The following IRAG2 variants were observed in gnomAD, a reference collection of about 807,000 sequenced individuals.
IRAG2 encodes inositol 1,4,5-triphosphate receptor associated 2.
A neutral mutation model predicts 69.9 loss-of-function variants in IRAG2; 45 were observed. That is an observed-to-expected ratio of 0.64 (90% CI 0.51 to 0.83). The LOEUF (loss-of-function observed/expected upper bound fraction) is 0.83, where lower values mean the gene tolerates loss of function less well. Ranked by LOEUF, IRAG2 falls within the 40% of genes least tolerant of loss-of-function variation. The pLI is 0.00. For missense variants in IRAG2, 520 were observed against 587.0 expected (o/e 0.89, Z 1.18); for synonymous variants, 193 against 202.4 (o/e 0.95, Z 0.40).
chr12:25,052,160 G>A (rs572400166), upstream of IRAG2: 1 of 395,218 alleles, frequency 2.5e-6, no homozygotes, highest in East Asian at 3.6e-5. Context: ...TAATTTCACA[G>A]GGTGACTCTT....
chr12:25,068,740 A>G (rs1357427337), intron 5 of IRAG2, among the ~76,000 whole-genome samples: 1 of 152,170 alleles, frequency 6.6e-6, no homozygotes, highest in Admixed American at 6.5e-5. Context: ...GGTCTTAGAC[A>G]CTCCGTATCA....
intron 16 of IRAG2, among the ~76,000 whole-genome samples, chr12:25,044,157 TAATAG>T (rs367848905): frequency 9.2e-5 from 14 of 151,554 alleles, no homozygotes; most frequent in Non-Finnish European, 1.6e-4. Flanking sequence ...AAGGAGAGAG[TAATAG>T]AATAGAGTTT....
At chr12:25,065,026 G>A (rs185740676) in intron 4 of IRAG2, among the ~76,000 whole-genome samples, 3 of 151,766 alleles carry the variant, frequency 2.0e-5, no homozygotes, top group Admixed American at 6.6e-5. Context: ...GGAATTGGAG[G>A]TTGCAGTGAG....
chr12:25,033,921 G>A (rs1473532649), exon 13 of IRAG2: 8 of 398,736 alleles, frequency 2.0e-5, no homozygotes, highest in African/African-American at 8.2e-5. Context: ...TTTACATTAC[G>A]AACTCACTCT....
intron 1 of IRAG2, chr12:25,004,967 C>A: frequency 9.1e-7 from 1 of 1,097,216 alleles, no homozygotes; most frequent in Non-Finnish European, 1.2e-6. Context: ...ATAAACATAT[C>A]TACTTTTAGA....
chr12:25,105,640 G>GA (rs59012229), intron 20 of IRAG2, among the ~76,000 whole-genome samples: 45,143 of 150,468 alleles, frequency 0.3, 6,885 homozygotes, highest in Non-Finnish European at 0.31. Context: ...GAGCTGGTTG[G>GA]AAAAAAAAAT....
chr12:25,059,934 C>A (rs939073980), intron 1 of IRAG2, among the ~76,000 whole-genome samples: 8 of 152,102 alleles, frequency 5.3e-5, no homozygotes, highest in African/African-American at 1.9e-4. Context: ...TTTCTCCAGG[C>A]TATTAAGATA....
chr12:25,023,553 G>T (rs1424865779), intron 7 of IRAG2, among the ~76,000 whole-genome samples: 2 of 152,148 alleles, frequency 1.3e-5, no homozygotes, highest in African/African-American at 4.8e-5. Context: ...TATTTAAATA[G>T]CTGAGTTTAC....
chr12:25,079,620 C>A, intron 8 of IRAG2, 36 bp from the exon 9 acceptor site: 3 of 1,340,214 alleles, frequency 2.2e-6, no homozygotes, highest in Non-Finnish European at 3.2e-6. Context: ...ATATTATGTG[C>A]ATAGTATTCG....
chr12:25,035,287 C>A (rs1219464044), intron 13 of IRAG2, among the ~76,000 whole-genome samples: 3 of 152,154 alleles, frequency 2.0e-5, no homozygotes, highest in Non-Finnish European at 4.4e-5. Context: ...GGAAGGGAGA[C>A]AAAAGAAGCC....
intron 6 of IRAG2, among the ~76,000 whole-genome samples, chr12:25,018,893 T>C (rs561469602): frequency 6.6e-6 from 1 of 152,356 alleles, no homozygotes; most frequent in African/African-American, 2.4e-5. Context: ...TTCTGAAGAC[T>C]GTCTGTTTCC....
rs935752928 is a variant in IRAG2 at position 25,084,569 on chromosome 12, A to G, written c.315+1076A>G. Among the ~76,000 whole-genome samples, 9 of 105,944 alleles carry G rather than the reference A, an allele frequency of 8.5e-5. No homozygotes were observed. In the South Asian group the frequency reaches 1.3e-3, roughly 15 times the overall value. 69.5% of individuals were successfully genotyped at this position (105,944 alleles called of 152,430 possible). A position where few individuals can be genotyped will look rare whatever the true frequency, so the allele number is the denominator to read the frequency against. ...TGTGTGTGTGTGTGTGTGTGTGTGT[A>G]TTATTGTTTTTTTCTTCTCAATATA... On this transcript the variant is annotated intron_variant, in intron 10 of 21. Coordinates refer to ENST00000556887, the MANE Select transcript of IRAG2 (RefSeq NM_001366544.2).
Position 25,075,521 on chromosome 12 carries a change from C to CATGTGTGTGTGT in IRAG2, c.25-3723_25-3722insATGTGTGTGTGT, listed in dbSNP as rs750386542. 2.4e-3 allele frequency among the ~76,000 whole-genome samples: 334 copies of CATGTGTGTGTGT among 139,368 alleles called. 2 individuals carry two copies. Among genetic ancestry groups the CATGTGTGTGTGT allele is most frequent in the African/African-American group, 8.2e-3 (312 of 38,278 alleles). The allele number at this position is 139,368 out of a possible 152,430, so 91.4% of individuals were successfully genotyped here. A position where few individuals can be genotyped will look rare whatever the true frequency, so the allele number is the denominator to read the frequency against. ...AATAATATTGCTGTGTGTGTGTATG[C>CATGTGTGTGTGT]GTGTGTGTGTGTGTGTGTGTGTGTG... On this transcript the variant is annotated intron_variant, in intron 6 of 21. Coordinates refer to ENST00000556887, the MANE Select transcript of IRAG2 (RefSeq NM_001366544.2).
chr12:25,064,135 C>T (rs1440462843), intron 4 of IRAG2, among the ~76,000 whole-genome samples: 1 of 151,852 alleles, frequency 6.6e-6, no homozygotes, highest in Non-Finnish European at 1.5e-5. Context: ...AACAAACAAA[C>T]AAAAAAGAAT....
upstream of IRAG2, chr12:25,052,290 G>A (rs1454463359): frequency 1.5e-5 from 6 of 394,058 alleles, no homozygotes; most frequent in African/African-American, 1.3e-4. Flanking sequence ...CAACCAGGAA[G>A]GCATCCTTAG....
In IRAG2 at chr12:25,089,806, A is replaced by AT. The variant is rs747347415; in HGVS notation, c.465+24dup. 39 of 1,608,702 alleles carry AT rather than the reference A, an allele frequency of 2.4e-5. No individual in the cohort carries two copies. Among genetic ancestry groups the AT allele is most frequent in the South Asian group, 2.1e-4 (19 of 90,842 alleles). On this transcript the variant is annotated intron_variant, in intron 13 of 21. Transcript: ENST00000556887. ...GGAGGTGGAGGTGAGTTTAAAGCAA[A>AT]TTTTTTTTCCTTTTAAAAAAGTGTT...
exon 11 of IRAG2, chr12:25,032,167 A>C (rs1254609447): frequency 5.0e-6 from 2 of 398,928 alleles, no homozygotes; most frequent in East Asian, 7.1e-5. Flanking sequence ...GAAGAACTTA[A>C]ATCAACCATC....
chr12:25,049,969 C>G (rs1944827723), upstream of IRAG2, among the ~76,000 whole-genome samples: 1 of 95,004 alleles, frequency 1.1e-5, no homozygotes. Flanking sequence ...GGCAACACAG[C>G]GAAACTGTGT....
At chr12:25,079,500 A>G (rs1198392477) in intron 8 of IRAG2, 38 bp downstream of exon 8, 1 of 1,553,004 alleles carries the variant, frequency 6.4e-7, no homozygotes, top group South Asian at 1.1e-5. Flanking sequence ...ATAGACTGTT[A>G]GTATTACAGC....
Sources: gnomAD v4.1 joint callset for allele counts (sites outside exome capture counted in the v4.1 genomes callset) on GRCh38, gnomAD v4.1.1 for gene constraint, MANE v1.5 for transcripts, NCBI Gene and HGNC (gene_info 2026-07-23, HGNC 2026-07-21) for gene names.